Variants in OCIAD1 observed in about 807,000 individuals in gnomAD.
OCIAD1 encodes the protein OCIA domain-containing protein 1.
A neutral mutation model predicts 38.9 loss-of-function variants in OCIAD1; 29 were observed. The observed-to-expected ratio is 0.74, with a 90% CI of 0.55 to 1.02. OCIAD1 has a LOEUF of 1.02. Among genes scored for constraint, OCIAD1 ranks in the 50% least tolerant of loss-of-function variants. The probability of loss-of-function intolerance (pLI) is 0.00; values close to 1 mark genes in which losing one functional copy is unlikely to be tolerated. For missense variants in OCIAD1, 288 were observed against 289.6 expected (o/e 0.99, Z 0.04); for synonymous variants, 110 against 92.0 (o/e 1.20, Z -1.12).
intron 3 of OCIAD1, among the ~76,000 whole-genome samples, chr4:48,838,818 A>G (rs982442515): frequency 2.7e-4 from 41 of 152,328 alleles, no homozygotes; most frequent in African/African-American, 9.4e-4. Context: ...TCTAGGGACC[A>G]TTCTCTTTCC....
rs371401400 is a variant in OCIAD1, at chr4:48,840,245, G to A, written c.140-2391G>A. ...GAAAGCATTATCCATTGTAGAAATG[G>A]CCAGCTAACTCATTGCCTTTTATTC... On this transcript the variant is annotated intron_variant, in intron 3 of 8. Coordinates refer to ENST00000264312, the MANE Select transcript of OCIAD1 (RefSeq NM_017830.4). 1.5e-3 allele frequency among the ~76,000 whole-genome samples: 226 copies of A among 152,280 alleles called. 1 individual carries two copies. The highest frequency in any genetic ancestry group is 0.011 in the South Asian group (52 of 4,822).
chr4:48,828,747 C>T (rs1313998805), upstream of OCIAD1, among the ~76,000 whole-genome samples: 6 of 152,152 alleles, frequency 3.9e-5, no homozygotes, highest in African/African-American at 9.7e-5. Context: ...GAATAAACTC[C>T]GAGCATGTCC....
intron 4 of OCIAD1, among the ~76,000 whole-genome samples, chr4:48,844,398 A>G (rs1411280604): frequency 1.3e-5 from 2 of 152,060 alleles, no homozygotes; most frequent in Non-Finnish European, 2.9e-5. Context: ...GGTGCATCAC[A>G]AGGTTAGGAA....
intron 1 of OCIAD1, among the ~76,000 whole-genome samples, chr4:48,819,716 CAAAAAAAAAAA>C (rs576081813): frequency 1.9e-4 from 2 of 10,446 alleles, no homozygotes; most frequent in East Asian, 2.5e-3. Context: ...TTACCAAGCG[CAAAAAAAAAAA>C]AAAAAAAAAA....
intron 8 of OCIAD1, among the ~76,000 whole-genome samples, chr4:48,858,059 C>A (rs1481962848): frequency 2.0e-5 from 3 of 152,010 alleles, no homozygotes; most frequent in African/African-American, 7.2e-5. Flanking sequence ...GAGGCTGAGG[C>A]AGGAGAACTG....
At chr4:48,853,333 A>G (rs936878192) in intron 7 of OCIAD1, among the ~76,000 whole-genome samples, 1 of 152,154 alleles carries the variant, frequency 6.6e-6, no homozygotes, top group African/African-American at 2.4e-5. Context: ...AGAAATATTA[A>G]TGTGTTTGCT....
chr4:48,830,154 G>C (rs1182172805), upstream of OCIAD1, among the ~76,000 whole-genome samples: 1 of 152,244 alleles, frequency 6.6e-6, no homozygotes, highest in Non-Finnish European at 1.5e-5. Flanking sequence ...AAAAGGCACA[G>C]GCACCACCAG....
intron 1 of OCIAD1, among the ~76,000 whole-genome samples, chr4:48,807,579 T>C (rs1157683477): frequency 5.3e-5 from 8 of 152,216 alleles, no homozygotes; most frequent in Non-Finnish European, 1.0e-4. Flanking sequence ...GGCATTAATA[T>C]TAATTCCCTT....
intron 4 of OCIAD1, among the ~76,000 whole-genome samples, chr4:48,846,566 G>T (rs1778995349): frequency 6.6e-6 from 1 of 152,020 alleles, no homozygotes; most frequent in African/African-American, 2.4e-5. Context: ...GGCCAATATG[G>T]TGAAACCCTG....
At chr4:48,848,241 CTT>C (rs1779133995) in intron 4 of OCIAD1, among the ~76,000 whole-genome samples, 156 bp from the exon 5 acceptor site, 1 of 152,034 alleles carries the variant, frequency 6.6e-6, no homozygotes, top group Non-Finnish European at 1.5e-5. Flanking sequence ...TCATATTTCT[CTT>C]GATACTGAAT....
upstream of OCIAD1, among the ~76,000 whole-genome samples, chr4:48,830,222 G>T (rs1050016775): frequency 6.6e-6 from 1 of 152,186 alleles, no homozygotes; most frequent in Non-Finnish European, 1.5e-5. Context: ...CTCCAAGGAA[G>T]GAAACACAGC....
chr4:48,839,839 A>G (rs1418815916), intron 3 of OCIAD1, among the ~76,000 whole-genome samples: 1 of 152,172 alleles, frequency 6.6e-6, no homozygotes. Context: ...TGATTTGCCT[A>G]TAGAGACAGA....
At chr4:48,830,248 C>T (rs1387415252), upstream of OCIAD1, among the ~76,000 whole-genome samples, 1 of 152,170 alleles carries the variant, frequency 6.6e-6, no homozygotes, top group East Asian at 1.9e-4. Context: ...ATTCGTTTCA[C>T]GTGACTGTCT....
In OCIAD1 at chr4:48,861,478, G is replaced by C. The variant is rs750299231; in HGVS notation, c.*716G>C. ...GAAGTGGGAGGATTGCATGAGTCCAGGAGTTTGAGACCAGCCTGGGCAACA... is the reference window on the plus strand; with the variant it reads ...GAAGTGGGAGGATTGCATGAGTCCACGAGTTTGAGACCAGCCTGGGCAACA... On this transcript the variant is annotated 3_prime_UTR_variant, in exon 9 of 9. Coordinates refer to ENST00000264312, the MANE Select transcript of OCIAD1 (RefSeq NM_017830.4). 6.6e-6 allele frequency: 1 copy of C among 152,196 alleles called. No individual in the cohort carries two copies. Among genetic ancestry groups the C allele is most frequent in the Non-Finnish European group, 1.5e-5 (1 of 68,096 alleles). 9.4% of individuals were successfully genotyped at this position (152,196 alleles called of 1,614,324 possible). A position where few individuals can be genotyped will look rare whatever the true frequency, so the allele number is the denominator to read the frequency against.
intron 7 of OCIAD1, chr4:48,855,945 A>T (rs1382911720): frequency 6.6e-6 from 1 of 152,242 alleles, no homozygotes; most frequent in Non-Finnish European, 1.5e-5. Flanking sequence ...TTATTTTTTA[A>T]AAAGTTAATA....
chr4:48,829,801 G>A (rs1396207548), upstream of OCIAD1, among the ~76,000 whole-genome samples: 3 of 152,168 alleles, frequency 2.0e-5, no homozygotes, highest in Admixed American at 2.0e-4. Flanking sequence ...GATTTATTTG[G>A]TTCTATAAAG....
chr4:48,809,701 C>A (rs1487402309), intron 1 of OCIAD1, among the ~76,000 whole-genome samples: 1 of 152,078 alleles, frequency 6.6e-6, no homozygotes, highest in Non-Finnish European at 1.5e-5. Context: ...CCCAAGCACC[C>A]CACTCTTTCA....
rs117795043 is a variant in OCIAD1, at chr4:48,816,136, C to T, written c.-103+10806C>T. 2.5e-4 allele frequency among the ~76,000 whole-genome samples: 38 copies of T among 152,296 alleles called. No homozygotes were observed. The East Asian group carries it at 4.2e-3, about 17-fold the overall frequency. On this transcript the variant is annotated intron_variant, in intron 1 of 6. Transcript: ENST00000504654. ...GCTAGTCACACAGGATGGGTAAGCC[C>T]TTCTCCCATTTATGTCGACTTATCC...
chr4:48,805,256 T>A (rs1274069453), exon 1 of OCIAD1: 2 of 152,174 alleles, frequency 1.3e-5, no homozygotes, highest in Non-Finnish European at 2.9e-5. Context: ...GTAAGCTGCC[T>A]TGGAAGTGGA....
Sources: allele counts gnomAD v4.1 joint callset (sites outside exome capture counted in the v4.1 genomes callset), GRCh38; gene constraint gnomAD v4.1.1; transcripts MANE v1.5; gene names NCBI Gene and HGNC (gene_info 2026-07-23, HGNC 2026-07-21).